The following DMD variants were observed in gnomAD, a reference collection of about 807,000 sequenced individuals.
DMD encodes mutant dystrophin.
A neutral mutation model predicts 330.1 loss-of-function variants in DMD; 63 were observed. The observed-to-expected ratio is 0.19, with a 90% CI of 0.16 to 0.24. The LOEUF is 0.24. Ranked by LOEUF, DMD falls within the 10% of genes least tolerant of loss-of-function variation. The pLI, the probability that DMD is intolerant of heterozygous loss-of-function variation, is 1.00. For missense variants in DMD, 3,344 were observed against 2,684.1 expected (o/e 1.25, Z -5.43); for synonymous variants, 1,223 against 959.8 (o/e 1.27, Z -5.07).
At chrX:31,746,107 A>C (rs1164239400) in intron 51 of DMD, among the ~76,000 whole-genome samples, 1 of 112,431 alleles carries the variant, frequency 8.9e-6, no homozygotes, top group African/African-American at 3.2e-5. Context: ...AAATGCATTC[A>C]ACCTTTTCAC....
intron 25 of DMD, 106 bp downstream of exon 25, chrX:32,463,333 A>G (rs1471271585): frequency 1.3e-6 from 1 of 766,916 alleles, no homozygotes; most frequent in African/African-American, 2.1e-5. Flanking sequence ...CTTTAAAGCA[A>G]AAACATAGGA....
intron 41 of DMD, among the ~76,000 whole-genome samples, chrX:32,310,549 GGA>G (rs889497928): frequency 2.7e-5 from 3 of 111,326 alleles, no homozygotes; most frequent in African/African-American, 9.8e-5. Flanking sequence ...GAGGTCATAA[GGA>G]GAGTAGTTTT....
chrX:31,723,623 AACACACACACACACACACACACAC>A (rs55718177), intron 52 of DMD, among the ~76,000 whole-genome samples: 1 of 77,684 alleles, frequency 1.3e-5, no homozygotes, highest in East Asian at 4.3e-4. Context: ...TATCCTCCAC[AACACACACACACACACACACACAC>A]ACACACACAC....
At chrX:31,219,112 T>C (rs1164430353) in intron 64 of DMD, among the ~76,000 whole-genome samples, 3 of 111,819 alleles carry the variant, frequency 2.7e-5, no homozygotes, top group African/African-American at 9.8e-5. Flanking sequence ...CCTTTACTAC[T>C]TCTTCCCCTA....
chrX:32,639,754 T>C (rs1378570035), intron 11 of DMD, among the ~76,000 whole-genome samples: 1 of 112,065 alleles, frequency 8.9e-6, no homozygotes, highest in Non-Finnish European at 1.9e-5. Context: ...AGCATATTTT[T>C]AAATGTTGCC....
At chrX:33,178,572 C>A (rs1281299015) in intron 1 of DMD, among the ~76,000 whole-genome samples, 1 of 112,176 alleles carries the variant, frequency 8.9e-6, no homozygotes, top group African/African-American at 3.2e-5. Flanking sequence ...CTCAGATTTT[C>A]CTGAAAAAGT....
intron 2 of DMD, among the ~76,000 whole-genome samples, chrX:32,978,478 C>CT (rs1377158741): frequency 1.3e-3 from 140 of 110,479 alleles, no homozygotes; most frequent in African/African-American, 4.1e-3. Context: ...AAAAATTTAT[C>CT]TTTTTTTTTG....
intron 7 of DMD, among the ~76,000 whole-genome samples, chrX:32,762,884 C>A (rs1273621891): frequency 8.9e-6 from 1 of 111,918 alleles, no homozygotes; most frequent in Non-Finnish European, 1.9e-5. Flanking sequence ...ATGCGAAGAA[C>A]TGAGAGACTG....
chrX:31,936,376 T>A (rs2094925074), intron 45 of DMD, among the ~76,000 whole-genome samples: 1 of 111,701 alleles, frequency 9.0e-6, no homozygotes, highest in Admixed American at 9.5e-5. Flanking sequence ...CTCACTACAC[T>A]TTTGCCACTA....
chrX:32,246,990 C>A (rs1294047795), intron 43 of DMD, among the ~76,000 whole-genome samples: 2 of 111,237 alleles, frequency 1.8e-5, no homozygotes, highest in Non-Finnish European at 3.8e-5. Context: ...CAGGACCCAC[C>A]CCAGACCAAA....
intron 2 of DMD, among the ~76,000 whole-genome samples, chrX:33,009,991 T>C (rs1330231707): frequency 3.4e-5 from 1 of 29,148 alleles, no homozygotes; most frequent in Non-Finnish European, 6.8e-5. Flanking sequence ...CATGTGTGTA[T>C]ATACACGTAT....
chrX:31,811,196 C>G (rs1383211953), intron 50 of DMD, among the ~76,000 whole-genome samples: 2 of 112,317 alleles, frequency 1.8e-5, no homozygotes, highest in Non-Finnish European at 3.8e-5. Flanking sequence ...TAATTAACAT[C>G]TAAATGCTGA....
intron 2 of DMD, among the ~76,000 whole-genome samples, chrX:32,884,624 T>A (rs1244363762): frequency 8.9e-6 from 1 of 111,976 alleles, no homozygotes; most frequent in African/African-American, 3.2e-5. Flanking sequence ...CTACAGTAAC[T>A]TGCTCAAGTT....
At chrX:33,211,769 T>C (rs1475192342), upstream of DMD, among the ~76,000 whole-genome samples, 1 of 112,580 alleles carries the variant, frequency 8.9e-6, no homozygotes, top group Non-Finnish European at 1.9e-5. Context: ...GACATAGTAC[T>C]TGCTTTTAAA....
chrX:33,268,347 A>G (rs2053085425), intron 1 of DMD, among the ~76,000 whole-genome samples: 2 of 111,525 alleles, frequency 1.8e-5, no homozygotes, highest in African/African-American at 3.3e-5. Context: ...AAAAATTGAC[A>G]AGAGGGACCT....
At chrX:32,081,099 C>A (rs916370220) in intron 44 of DMD, among the ~76,000 whole-genome samples, 3 of 112,157 alleles carry the variant, frequency 2.7e-5, no homozygotes, top group Non-Finnish European at 5.6e-5. Context: ...ACCTCTGTAT[C>A]TTTAGGGAAG....
intron 37 of DMD, among the ~76,000 whole-genome samples, chrX:32,360,490 A>G (rs923958507): frequency 9.0e-6 from 1 of 111,355 alleles, no homozygotes; most frequent in Non-Finnish European, 1.9e-5. Context: ...TAATTAACAT[A>G]TAATTGAAAA....
chrX:31,259,305 A>C (rs1253826643), intron 63 of DMD, among the ~76,000 whole-genome samples: 2 of 111,779 alleles, frequency 1.8e-5, no homozygotes, highest in Non-Finnish European at 3.8e-5. Flanking sequence ...TTGTGGACAG[A>C]TTTCTAGTTT....
intron 16 of DMD, among the ~76,000 whole-genome samples, chrX:32,550,765 A>G (rs931445863): frequency 9.0e-6 from 1 of 110,523 alleles, no homozygotes; most frequent in Non-Finnish European, 1.9e-5. Context: ...AAGAGAGAAG[A>G]CTCAAATAAA....
Sources: gnomAD v4.1 joint callset for allele counts (sites outside exome capture counted in the v4.1 genomes callset) on GRCh38, gnomAD v4.1.1 for gene constraint, MANE v1.5 for transcripts, NCBI Gene and HGNC (gene_info 2026-07-23, HGNC 2026-07-21) for gene names.